DTHD1: variants seen among roughly 807,000 people sequenced by gnomAD.
DTHD1 encodes the protein death domain containing 1.
DTHD1 carries 59 observed loss-of-function variants against 74.8 expected under a neutral mutation model. The ratio of observed to expected loss-of-function variants is 0.79; its 90% confidence interval spans 0.64 to 0.98. DTHD1 has a LOEUF of 0.98. DTHD1 is among the 50% of genes least tolerant of loss of function. The pLI is 0.00. For missense variants in DTHD1, 1,051 were observed against 1,065.4 expected (o/e 0.99, Z 0.19); for synonymous variants, 365 against 371.1 (o/e 0.98, Z 0.19).
intron 8 of DTHD1, among the ~76,000 whole-genome samples, chr4:36,334,928 T>C (rs1054166553): frequency 3.3e-5 from 5 of 152,178 alleles, no homozygotes; most frequent in African/African-American, 1.2e-4. Context: ...ATTAAAGGTA[T>C]GATGTGCTTA....
At chr4:36,288,098 A>ATTTAT (rs987108651) in intron 2 of DTHD1, among the ~76,000 whole-genome samples, 3 of 151,952 alleles carry the variant, frequency 2.0e-5, no homozygotes, top group African/African-American at 7.3e-5. Flanking sequence ...ATCTTTTTAA[A>ATTTAT]TTTATTTTAT....
At chr4:36,338,833 T>C (rs1019169091) in intron 8 of DTHD1, among the ~76,000 whole-genome samples, 17 of 152,120 alleles carry the variant, frequency 1.1e-4, no homozygotes, top group African/African-American at 4.1e-4. Flanking sequence ...TAAATTTTAG[T>C]TGGAAAAATG....
At chr4:36,331,677 T>A (rs1758679779) in intron 8 of DTHD1, among the ~76,000 whole-genome samples, 1 of 152,188 alleles carries the variant, frequency 6.6e-6, no homozygotes, top group Non-Finnish European at 1.5e-5. Context: ...CCTATTAGAA[T>A]GTCTTCATGC....
At chr4:36,282,722 T>G (rs1755469696) in intron 1 of DTHD1, among the ~76,000 whole-genome samples, 1 of 152,052 alleles carries the variant, frequency 6.6e-6, no homozygotes, top group South Asian at 2.1e-4. Flanking sequence ...TAATACAGTA[T>G]CAAGATAAGT....
Position 36,306,194 on chromosome 4 carries a change from A to G in DTHD1, c.1647A>G (p.Thr549=). 1.3e-6 allele frequency: 2 copies of G among 1,551,558 alleles called. No individual in the cohort carries two copies. The highest frequency in any genetic ancestry group is 1.7e-6 in the Non-Finnish European group (2 of 1,146,820). ...CTCTTCTGTTACCATTATATAGGAC[A>G]AAAATTGCCTCCATAAGAAAACCTA... ...NRITPSYFNR[T]KIASIRKPRK... Residue 549 remains threonine (T), a synonymous_variant, in exon 6 of 10, where the codon ACA becomes ACG. Coordinates refer to ENST00000639862, the MANE Select transcript of DTHD1 (RefSeq NM_001170700.3).
rs73117691 is a variant in DTHD1 at position 36,308,354 on chromosome 4, G to A, written c.1956G>A (p.Val652=). ...CACATAGAATAGCTGTTTTAGTGGT[G>A]CCTTCCAAAGATTTAAGCCAGGTGC... is the stretch of plus-strand genomic sequence containing the variant. ...DNPHRIAVLV[V]PSKDLSQVLK... is the part of the protein sequence containing the mutation. Residue 652 remains valine, a synonymous_variant, in exon 7 of 10, where the codon GTG becomes GTA. Coordinates refer to ENST00000639862, the MANE Select transcript of DTHD1 (RefSeq NM_001170700.3). 1.1e-3 allele frequency: 1,647 copies of A among 1,551,848 alleles called. 7 individuals carry two copies. In the African/African-American group the frequency reaches 0.02, roughly 19 times the overall value.
Position 36,316,255 on chromosome 4 carries a change from T to C in DTHD1, c.2109T>C (p.Asp703=). Residue 703 remains aspartate, a synonymous_variant, in exon 8 of 10, where the codon GAT becomes GAC. Coordinates refer to ENST00000639862, the MANE Select transcript of DTHD1 (RefSeq NM_001170700.3). ...ACTTCTATTTAGGCAACGGGAAGGA[T>C]TATGGAAAAGACTACACACTTATTT... ...GNIFASSNGK[D]YGKDYTLIFH... 1 of 1,550,670 alleles carries C rather than the reference T, an allele frequency of 6.4e-7. No homozygotes were observed.
intron 5 of DTHD1, among the ~76,000 whole-genome samples, chr4:36,296,492 GACAA>G (rs1172053536): frequency 4.6e-5 from 7 of 151,958 alleles, no homozygotes. Context: ...AAAGAAAACA[GACAA>G]ACAAAACATC....
intron 5 of DTHD1, among the ~76,000 whole-genome samples, chr4:36,302,880 G>A (rs1045716383): frequency 2.0e-5 from 3 of 151,832 alleles, no homozygotes; most frequent in African/African-American, 7.3e-5. Context: ...TCAAAACATT[G>A]GTGACATTCA....
rs1419194694 is a variant in DTHD1, at chr4:36,290,580, A to C, written c.1095A>C (p.Ala365=). The C allele has an allele frequency of 6.4e-7, 1 of 1,551,522 alleles. No individual in the cohort carries two copies. Among genetic ancestry groups the C allele is most frequent in the Non-Finnish European group, 8.7e-7 (1 of 1,147,006 alleles). ...GAGTTCCATTTCCAATAGGCATTGC[A>C]ATTCCATTTACTGCACGTTACAGAG... ...EKRVPFPIGI[A]IPFTARYRGN... is the part of the protein sequence containing the mutation. Residue 365 remains alanine, a synonymous_variant, in exon 3 of 10, where the codon GCA becomes GCC. Transcript: ENST00000639862.
chr4:36,301,281 T>C (rs12504747), intron 5 of DTHD1, among the ~76,000 whole-genome samples: 14,516 of 152,234 alleles, frequency 0.095, 1,468 homozygotes, highest in African/African-American at 0.26. Context: ...TCCATGCAGA[T>C]GCAGTGGGAG....
chr4:36,329,591 A>G (rs1758552015), intron 8 of DTHD1, among the ~76,000 whole-genome samples: 1 of 152,244 alleles, frequency 6.6e-6, no homozygotes, highest in Non-Finnish European at 1.5e-5. Flanking sequence ...ATATAAGTTT[A>G]TACTGAATGA....
At chr4:36,286,897 C>A (rs1755747137) in intron 2 of DTHD1, among the ~76,000 whole-genome samples, 1 of 152,152 alleles carries the variant, frequency 6.6e-6, no homozygotes, top group Non-Finnish European at 1.5e-5. Flanking sequence ...ATTATATGTG[C>A]AGTCCATTTT....
At chr4:36,299,187 A>C (rs1023625614) in intron 5 of DTHD1, among the ~76,000 whole-genome samples, 4 of 151,854 alleles carry the variant, frequency 2.6e-5, no homozygotes, top group Non-Finnish European at 5.9e-5. Context: ...GTCCTGATAC[A>C]TTTTCTTCTT....
At chr4:36,308,093 A>T (rs1425379665) in intron 6 of DTHD1, 111 bp from the exon 7 acceptor site, 1 of 1,079,998 alleles carries the variant, frequency 9.3e-7, no homozygotes, top group Non-Finnish European at 1.3e-6. Flanking sequence ...AGAATACTTG[A>T]TTTTAAAAGA....
chr4:36,340,089 G>A (rs1175289026), intron 9 of DTHD1, among the ~76,000 whole-genome samples: 1 of 152,172 alleles, frequency 6.6e-6, no homozygotes, highest in Non-Finnish European at 1.5e-5. Flanking sequence ...GGTACTAGGA[G>A]TTCTAGTTTA....
intron 5 of DTHD1, among the ~76,000 whole-genome samples, chr4:36,303,831 C>T (rs933207663): frequency 6.6e-6 from 1 of 152,184 alleles, no homozygotes; most frequent in Non-Finnish European, 1.5e-5. Context: ...TCTTGGTCAT[C>T]CTCACTCTAG....
At chr4:36,320,682 T>C (rs1757990928) in intron 8 of DTHD1, among the ~76,000 whole-genome samples, 1 of 152,220 alleles carries the variant, frequency 6.6e-6, no homozygotes, top group Admixed American at 6.5e-5. Flanking sequence ...CAAACTAGTA[T>C]AACTAAATGG....
At chr4:36,341,304 G>A (rs968426669) in intron 9 of DTHD1, among the ~76,000 whole-genome samples, 1 of 152,130 alleles carries the variant, frequency 6.6e-6, no homozygotes, top group Non-Finnish European at 1.5e-5. Context: ...GAGATTAAGG[G>A]GCAGGTGTGA....
Sources: gnomAD v4.1 joint callset for allele counts (sites outside exome capture counted in the v4.1 genomes callset) on GRCh38, gnomAD v4.1.1 for gene constraint, MANE v1.5 for transcripts, NCBI Gene and HGNC (gene_info 2026-07-23, HGNC 2026-07-21) for gene names.